The following PXDNL variants were observed in gnomAD, a reference collection of about 807,000 sequenced individuals.
PXDNL encodes the protein probable oxidoreductase PXDNL.
In PXDNL, 145 loss-of-function variants were observed where a neutral mutation model predicts 150.8. The observed-to-expected ratio is 0.96, with a 90% CI of 0.84 to 1.10. PXDNL has a LOEUF of 1.10. Ranked by LOEUF, PXDNL falls within the 50% of genes least tolerant of loss-of-function variation. PXDNL has a pLI of 0.00. For missense variants in PXDNL, 2,087 were observed against 1,873.9 expected (o/e 1.11, Z -2.10); for synonymous variants, 757 against 725.7 (o/e 1.04, Z -0.69).
At chr8:51,379,419 T>A (rs1245461716) in intron 17 of PXDNL, among the ~76,000 whole-genome samples, 2 of 152,210 alleles carry the variant, frequency 1.3e-5, no homozygotes, top group Non-Finnish European at 2.9e-5. Context: ...TGATTCTGGA[T>A]CTTCCTAATT....
chr8:51,568,047 T>C (rs1485074176), intron 3 of PXDNL, among the ~76,000 whole-genome samples: 2 of 151,814 alleles, frequency 1.3e-5, no homozygotes, highest in Non-Finnish European at 2.9e-5. Context: ...CAATTTCTTT[T>C]TTCTATCCCT....
intron 10 of PXDNL, among the ~76,000 whole-genome samples, chr8:51,451,434 C>G (rs887543990): frequency 6.6e-6 from 1 of 152,164 alleles, no homozygotes; most frequent in Non-Finnish European, 1.5e-5. Context: ...TTTGGGCTTT[C>G]CATTTAAAAT....
intron 3 of PXDNL, among the ~76,000 whole-genome samples, chr8:51,561,979 T>G (rs4574837): frequency 0.3 from 45,186 of 151,620 alleles, 9,376 homozygotes; most frequent in African/African-American, 0.59. Context: ...TCCAAAACAT[T>G]GACAGTGATA....
chr8:51,547,228 GCCA>G (rs773397320), intron 4 of PXDNL, among the ~76,000 whole-genome samples: 9 of 152,072 alleles, frequency 5.9e-5, no homozygotes, highest in Non-Finnish European at 1.0e-4. Context: ...CTGGCTGGAG[GCCA>G]CCAACTCAAG....
chr8:51,387,851 C>T (rs1807767830), intron 17 of PXDNL, among the ~76,000 whole-genome samples: 1 of 151,564 alleles, frequency 6.6e-6, no homozygotes, highest in African/African-American at 2.4e-5. Flanking sequence ...ATATAATGCC[C>T]TATATTGATA....
chr8:51,332,964 TGCAAATACAAGAA>T (rs1805732852), intron 21 of PXDNL, among the ~76,000 whole-genome samples: 2 of 152,248 alleles, frequency 1.3e-5, no homozygotes, highest in South Asian at 4.1e-4. Flanking sequence ...GACCTAGACG[TGCAAATACAAGAA>T]GCACAAAGAA....
intron 4 of PXDNL, among the ~76,000 whole-genome samples, chr8:51,546,131 G>A (rs2130501686): frequency 6.6e-6 from 1 of 152,296 alleles, no homozygotes; most frequent in African/African-American, 2.4e-5. Context: ...ACCCTTTATA[G>A]CAGCTGCTTG....
chr8:51,483,678 A>T lies in PXDNL; in HGVS notation c.489T>A (p.Ala163=). ...LHNNKLSKIP[A]GSFSNLDSLK... ...ATGAATCCAGATTAGAAAAGCTCCC[A>T]GCTGGAATTTTAGATAATTTGTTGT... Residue 163 remains alanine (A), a synonymous_variant, in exon 6 of 23, where the codon GCT becomes GCA. Coordinates refer to ENST00000356297, the MANE Select transcript of PXDNL (RefSeq NM_144651.5). 6.5e-7 allele frequency: 1 copy of T among 1,527,086 alleles called. No individual in the cohort carries two copies. Among genetic ancestry groups the T allele is most frequent in the Non-Finnish European group, 8.9e-7 (1 of 1,126,610 alleles). 94.6% of individuals were successfully genotyped at this position (1,527,086 alleles called of 1,614,324 possible).
intron 17 of PXDNL, among the ~76,000 whole-genome samples, chr8:51,378,804 TG>T (rs1303440340): frequency 2.0e-5 from 3 of 152,144 alleles, no homozygotes; most frequent in Non-Finnish European, 4.4e-5. Flanking sequence ...GCTTCACTCC[TG>T]AAGCCAGCAA....
intron 4 of PXDNL, among the ~76,000 whole-genome samples, chr8:51,529,317 G>T (rs1428412746): frequency 6.6e-6 from 1 of 152,124 alleles, no homozygotes; most frequent in African/African-American, 2.4e-5. Flanking sequence ...CTGCCTCCAT[G>T]TTTGCACCTG....
chr8:51,612,336 A>C (rs1047415250), intron 2 of PXDNL, among the ~76,000 whole-genome samples: 1 of 152,124 alleles, frequency 6.6e-6, no homozygotes, highest in Non-Finnish European at 1.5e-5. Flanking sequence ...TAAAATTGAG[A>C]TATTTAATCC....
chr8:51,433,209 A>AAATAATAATAATAATAAT (rs71237206), intron 12 of PXDNL, among the ~76,000 whole-genome samples: 2 of 144,152 alleles, frequency 1.4e-5, no homozygotes, highest in African/African-American at 5.1e-5. Flanking sequence ...ACTCTATCTC[A>AAATAATAATAATAATAAT]AATAATAATA....
chr8:51,718,959 A>G (rs997760529), intron 1 of PXDNL, among the ~76,000 whole-genome samples: 2 of 147,364 alleles, frequency 1.4e-5, no homozygotes, highest in Non-Finnish European at 3.0e-5. Context: ...GGCAGCCCCC[A>G]CCCGGCCAGC....
intron 4 of PXDNL, among the ~76,000 whole-genome samples, chr8:51,512,510 C>A (rs1446824160): frequency 1.3e-5 from 2 of 152,248 alleles, no homozygotes; most frequent in East Asian, 3.9e-4. Flanking sequence ...AGGGAAACAG[C>A]AAATGAATGA....
intron 4 of PXDNL, among the ~76,000 whole-genome samples, chr8:51,548,055 C>G (rs1006254922): frequency 8.9e-6 from 1 of 111,768 alleles, no homozygotes; most frequent in South Asian, 2.7e-4. Flanking sequence ...AAGTTTTGAA[C>G]AATAAAATCA....
At chr8:51,412,840 G>A (rs1808689436) in intron 15 of PXDNL, among the ~76,000 whole-genome samples, 1 of 152,208 alleles carries the variant, frequency 6.6e-6, no homozygotes, top group Non-Finnish European at 1.5e-5. Context: ...TTCACACATT[G>A]CAGGAGCACT....
chr8:51,382,423 C>T (rs1038701927), intron 17 of PXDNL, among the ~76,000 whole-genome samples: 2 of 152,132 alleles, frequency 1.3e-5, no homozygotes, highest in African/African-American at 4.8e-5. Flanking sequence ...TTACAACAGC[C>T]TAGAAAACTA....
chr8:51,759,379 T>A (rs974152575), intron 1 of PXDNL, among the ~76,000 whole-genome samples: 1 of 152,146 alleles, frequency 6.6e-6, no homozygotes, highest in Non-Finnish European at 1.5e-5. Flanking sequence ...CCACCACCAG[T>A]GCCCCCTCAC....
intron 19 of PXDNL, among the ~76,000 whole-genome samples, chr8:51,348,134 A>G (rs941433986): frequency 1.3e-5 from 2 of 152,192 alleles, no homozygotes; most frequent in Non-Finnish European, 2.9e-5. Context: ...CCCCACTACA[A>G]TGCAGCATCT....
Sources: allele counts gnomAD v4.1 joint callset (sites outside exome capture counted in the v4.1 genomes callset), GRCh38; gene constraint gnomAD v4.1.1; transcripts MANE v1.5; gene names NCBI Gene and HGNC (gene_info 2026-07-23, HGNC 2026-07-21).